Variants in STAG3 observed in about 807,000 individuals in gnomAD.
STAG3 encodes cohesin subunit SA-3.
In STAG3, 101 loss-of-function variants were observed where a neutral mutation model predicts 160.7. That is an observed-to-expected ratio of 0.63 (90% confidence interval 0.54 to 0.74). STAG3 has a LOEUF of 0.74. Ranked by LOEUF, STAG3 falls within the 30% of genes least tolerant of loss-of-function variation. STAG3 has a pLI of 0.00. For missense variants in STAG3, 1,188 were observed against 1,517.4 expected, an observed-to-expected ratio of 0.78 and a Z score of 3.61; for synonymous variants, 519 against 585.0, an observed-to-expected ratio of 0.89 and a Z score of 1.63.
rs1801514749 is a variant in STAG3 at position 100,205,089 on chromosome 7, T to G, written c.3036T>G (p.Leu1012=). ...CAAATCTGGCATTCCTGGAGCTCCTTTCAGAGTTTTCCCCCCGACTCTTCC... is the reference window on the plus strand; with the variant it reads ...CAAATCTGGCATTCCTGGAGCTCCTGTCAGAGTTTTCCCCCCGACTCTTCC... ...QPPNLAFLEL[L]SEFSPRLFHQ... Residue 1012 remains leucine, a synonymous_variant, in exon 28 of 34, where the codon CTT becomes CTG. Coordinates refer to ENST00000615138, the MANE Select transcript of STAG3 (RefSeq NM_001282717.2). 4 of 1,614,050 alleles carry G rather than the reference T, an allele frequency of 2.5e-6. No homozygotes were observed. Among genetic ancestry groups the G allele is most frequent in the African/African-American group, 1.3e-5 (1 of 74,908 alleles).
chr7:100,209,353 A>G (rs1165694983), intron 29 of STAG3, among the ~76,000 whole-genome samples: 1 of 152,208 alleles, frequency 6.6e-6, no homozygotes, highest in Non-Finnish European at 1.5e-5. Context: ...GGAAGCAGCC[A>G]GTCCTGAGGC....
Position 100,182,659 on chromosome 7 carries a change from C to G in STAG3, c.220-64C>G, listed in dbSNP as rs4729579. 450,470 of 1,563,080 alleles carry G rather than the reference C, an allele frequency of 0.29. 70,696 individuals carry two copies. The highest frequency in any genetic ancestry group is 0.61 in the East Asian group (27,218 of 44,594). On this transcript the variant is annotated intron_variant, in intron 3 of 33. Coordinates refer to ENST00000615138, the MANE Select transcript of STAG3 (RefSeq NM_001282717.2). ...CTTGTGTGATAATGATGAAACCAAG[C>G]GTTAATGTCACTGTTACCTTTTTTG...
Position 100,182,769 on chromosome 7 carries a change from G to A in STAG3, c.266G>A (p.Ser89Asn). 1 of 1,613,852 alleles carries A rather than the reference G, an allele frequency of 6.2e-7. No homozygotes were observed. The highest frequency in any genetic ancestry group is 8.5e-7 in the Non-Finnish European group (1 of 1,179,894). ...GGGTCCCGAGTGGTACATCGTCATA[G>A]CCGGAAACAGTCAGAGCCACCAGCC... ...KKGSRVVHRH[S>N]RKQSEPPAND... The change falls in exon 4 of 34, where the codon AGC becomes AAC. Residue 89 changes from serine (S) to asparagine (N), a missense_variant. Coordinates refer to ENST00000615138, the MANE Select transcript of STAG3 (RefSeq NM_001282717.2).
Position 100,202,324 on chromosome 7 carries a change from G to A in STAG3, c.2547G>A (p.Pro849=), listed in dbSNP as rs200369644. The A allele has an allele frequency of 6.2e-6, 10 of 1,614,068 alleles. No homozygotes were observed. The East Asian group carries it at 6.7e-5, about 11-fold the overall frequency. The change falls in exon 24 of 34, where the codon CCG becomes CCA. Residue 849 remains proline (P), a synonymous_variant. Coordinates refer to ENST00000615138, the MANE Select transcript of STAG3 (RefSeq NM_001282717.2). The stretch of plus-strand genomic sequence containing the variant: ...TCATGGACCACGTCTTCATCCAGCC[G>A]GGAGACCTGGGCAGTGGTGCAGTGA... The part of the protein sequence containing the change: ...SFLMDHVFIQ[P]GDLGSGDSQE...
chr7:100,209,721 G>A (rs2950518), intron 29 of STAG3, among the ~76,000 whole-genome samples: 73,848 of 151,948 alleles, frequency 0.49, 18,159 homozygotes, highest in South Asian at 0.57. Flanking sequence ...TGGAGGTGCC[G>A]AGAAACGGCC....
Position 100,211,789 on chromosome 7 carries a change from C to T in STAG3, c.3519-6C>T, listed in dbSNP as rs372335468. ...TGAAAAGCCAGTCTCTTTGCCCCTA[C>T]ATCAGACTCAGCCTTATGGAAGAGG... On this transcript the variant is annotated splice_region_variant and splice_polypyrimidine_tract_variant and intron_variant, in intron 31 of 33. Coordinates refer to ENST00000615138, the MANE Select transcript of STAG3 (RefSeq NM_001282717.2). 1.4e-5 allele frequency: 22 copies of T among 1,613,738 alleles called. No homozygotes were observed. In the African/African-American group the frequency reaches 2.8e-4, roughly 21 times the overall value.
chr7:100,214,703 C>T (rs573030177), downstream of STAG3, among the ~76,000 whole-genome samples: 1 of 152,296 alleles, frequency 6.6e-6, no homozygotes, highest in East Asian at 1.9e-4. Flanking sequence ...TGTGTCCTGG[C>T]AGCCTTCACC....
chr7:100,213,457 G>A, intron 32 of STAG3: 1 of 985,408 alleles, frequency 1.0e-6, no homozygotes, highest in Non-Finnish European at 1.2e-6. Flanking sequence ...TAGAGAGCAA[G>A]GCCTCTGTTA....
At chr7:100,180,897 T>TTG in intron 2 of STAG3, 1 of 359,864 alleles carries the variant, frequency 2.8e-6, no homozygotes, top group Non-Finnish European at 5.1e-6. Flanking sequence ...TTTTTTTTTT[T>TTG]GAGACGGAGT....
intron 29 of STAG3, among the ~76,000 whole-genome samples, chr7:100,209,829 G>A (rs1287878025): frequency 6.6e-6 from 1 of 152,188 alleles, no homozygotes; most frequent in Non-Finnish European, 1.5e-5. Context: ...TGGCTCCAAG[G>A]ATTTTGGCCT....
intron 8 of STAG3, among the ~76,000 whole-genome samples, chr7:100,190,057 C>T (rs1268883794): frequency 6.6e-6 from 1 of 152,088 alleles, no homozygotes; most frequent in Non-Finnish European, 1.5e-5. Context: ...GTCACTAGCT[C>T]CATAGCCTTA....
chr7:100,198,678 A>G, intron 13 of STAG3, 96 bp downstream of exon 13: 1 of 1,326,346 alleles, frequency 7.5e-7, no homozygotes, highest in Admixed American at 1.8e-5. Context: ...CATCTCTGTG[A>G]AAGTCTCCCT....
At position 100,200,347 on chromosome 7, in the gene STAG3, T is replaced by G. The variant is rs1160550964; in HGVS notation, c.1770+19T>G. On this transcript the variant is annotated intron_variant, in intron 17 of 33. Transcript: ENST00000615138. Reference sequence around the variant, plus strand: ...GGCCAAGGTACCGCTGCCCCTCCACTCTGCATCACACCAAGAGAAGTGAAA... The same window carrying G: ...GGCCAAGGTACCGCTGCCCCTCCACGCTGCATCACACCAAGAGAAGTGAAA... 1.2e-6 allele frequency: 2 copies of G among 1,613,422 alleles called. No homozygotes were observed. Among genetic ancestry groups the G allele is most frequent in the East Asian group, 4.5e-5 (2 of 44,840 alleles).
In STAG3 at chr7:100,205,099, TC is replaced by T. The variant is rs771420693; in HGVS notation, c.3052del (p.Arg1018AspfsTer14). On this transcript the variant is annotated frameshift_variant, in exon 28 of 34. Transcript: ENST00000615138. LOFTEE classifies it high-confidence loss of function. ...LAFLELLSEF[S>X]PRLFHQDKQL... ...ATTCCTGGAGCTCCTTTCAGAGTTT[TC>T]CCCCCGACTCTTCCATCAGGACAAG... The T allele has an allele frequency of 6.8e-6, 11 of 1,614,080 alleles. No homozygotes were observed. Among genetic ancestry groups the T allele is most frequent in the South Asian group, 1.1e-5 (1 of 91,074 alleles).
At chr7:100,195,534 C>A in intron 9 of STAG3, 152 bp downstream of exon 9, 1 of 671,292 alleles carries the variant, frequency 1.5e-6, no homozygotes. Flanking sequence ...ACAAATGTTT[C>A]AAATTGGTGA....
downstream of STAG3, among the ~76,000 whole-genome samples, chr7:100,217,922 G>A (rs865853111): frequency 1.3e-5 from 2 of 151,330 alleles, no homozygotes; most frequent in Non-Finnish European, 2.9e-5. Context: ...ACAGGGAGAC[G>A]GTTAGGCCTC....
intron 5 of STAG3, among the ~76,000 whole-genome samples, chr7:100,188,036 A>G (rs751166883): frequency 2.6e-5 from 4 of 152,174 alleles, no homozygotes; most frequent in African/African-American, 7.2e-5. Flanking sequence ...GATTACAGGC[A>G]TGACCGACTG....
At chr7:100,205,529 T>C in intron 29 of STAG3, 145 bp downstream of exon 29, 1 of 944,276 alleles carries the variant, frequency 1.1e-6, no homozygotes, top group East Asian at 2.9e-5. Flanking sequence ...ACTGAAAACC[T>C]GTATTAAAAA....
chr7:100,201,948 G>A lies in STAG3; in HGVS notation c.2302-1G>A. The A allele has an allele frequency of 6.2e-7, 1 of 1,614,208 alleles. No individual in the cohort carries two copies. The highest frequency in any genetic ancestry group is 8.5e-7 in the Non-Finnish European group (1 of 1,180,022). On this transcript the variant is annotated splice_acceptor_variant, in intron 22 of 33. Coordinates refer to ENST00000615138, the MANE Select transcript of STAG3 (RefSeq NM_001282717.2). LOFTEE classifies it high-confidence loss of function. Reference sequence around the variant, plus strand: ...TCCCCTTCAAGCCACTGTGCCCACAGAAGCAGCTGTCGAGTTTGAGGGACA... The same window carrying A: ...TCCCCTTCAAGCCACTGTGCCCACAAAAGCAGCTGTCGAGTTTGAGGGACA...
Sources: gnomAD v4.1 joint callset for allele counts (sites outside exome capture counted in the v4.1 genomes callset) on GRCh38, gnomAD v4.1.1 for gene constraint, MANE v1.5 for transcripts, NCBI Gene and HGNC (gene_info 2026-07-23, HGNC 2026-07-21) for gene names.